CNTNAP5: variants seen among roughly 807,000 people sequenced by gnomAD.
The protein encoded by CNTNAP5 is contactin associated protein family member 5.
In CNTNAP5, 72 loss-of-function variants were observed where a neutral mutation model predicts 150.2. That is an observed-to-expected ratio of 0.48 (90% CI 0.40 to 0.58). The LOEUF is 0.58. Ranked by LOEUF, CNTNAP5 falls within the 20% of genes least tolerant of loss-of-function variation. The pLI, the probability that CNTNAP5 is intolerant of heterozygous loss-of-function variation, is 0.00. For missense variants in CNTNAP5, 1,636 were observed against 1,626.2 expected, an observed-to-expected ratio of 1.01 and a Z score of -0.10; for synonymous variants, 672 against 619.8, an observed-to-expected ratio of 1.08 and a Z score of -1.25.
chr2:124,243,678 G>T (rs1012636837), intron 3 of CNTNAP5, among the ~76,000 whole-genome samples: 1 of 152,090 alleles, frequency 6.6e-6, no homozygotes, highest in Non-Finnish European at 1.5e-5. Flanking sequence ...TTGGGAGGAC[G>T]GCGAGAGTCC....
intron 13 of CNTNAP5, among the ~76,000 whole-genome samples, chr2:124,683,001 A>G (rs182998675): frequency 1.1e-3 from 164 of 152,352 alleles, no homozygotes; most frequent in African/African-American, 3.7e-3. Flanking sequence ...GTGAATTTTT[A>G]GGTTTGTGTT....
At chr2:124,045,051 G>A (rs1473338864) in intron 1 of CNTNAP5, among the ~76,000 whole-genome samples, 1 of 152,006 alleles carries the variant, frequency 6.6e-6, no homozygotes, top group Non-Finnish European at 1.5e-5. Flanking sequence ...AAAATTTCAG[G>A]AAACTTTCAA....
intron 14 of CNTNAP5, 57 bp downstream of exon 14, chr2:124,747,442 A>G: frequency 6.3e-7 from 1 of 1,583,910 alleles, no homozygotes. Flanking sequence ...ATTGATGCAT[A>G]AAATTCCCCA....
intron 13 of CNTNAP5, among the ~76,000 whole-genome samples, chr2:124,680,301 A>T (rs1335275572): frequency 6.6e-6 from 1 of 151,878 alleles, no homozygotes; most frequent in Non-Finnish European, 1.5e-5. Flanking sequence ...AGACATTAGC[A>T]TAACCCTCTG....
chr2:124,263,363 T>G (rs554950579), intron 3 of CNTNAP5, among the ~76,000 whole-genome samples: 1 of 152,194 alleles, frequency 6.6e-6, no homozygotes, highest in Non-Finnish European at 1.5e-5. Flanking sequence ...AGATGGTAGC[T>G]CATTGTGGTT....
At chr2:124,036,418 C>T (rs1005662606) in intron 1 of CNTNAP5, among the ~76,000 whole-genome samples, 14 of 152,002 alleles carry the variant, frequency 9.2e-5, no homozygotes, top group South Asian at 4.1e-4. Context: ...AGATACTGCT[C>T]GCCCCTGTTA....
intron 13 of CNTNAP5, among the ~76,000 whole-genome samples, chr2:124,666,540 G>T (rs1430182005): frequency 1.3e-5 from 2 of 152,148 alleles, no homozygotes; most frequent in African/African-American, 4.8e-5. Flanking sequence ...CACAAGGCAT[G>T]TCTGATCTCC....
chr2:124,390,356 T>C (rs1240783229), intron 3 of CNTNAP5, among the ~76,000 whole-genome samples: 3 of 152,226 alleles, frequency 2.0e-5, no homozygotes, highest in Non-Finnish European at 4.4e-5. Context: ...TAGTTACATC[T>C]CTTCCATGAT....
chr2:124,104,689 G>T (rs1234615699), intron 1 of CNTNAP5, among the ~76,000 whole-genome samples: 2 of 152,018 alleles, frequency 1.3e-5, no homozygotes, highest in African/African-American at 4.8e-5. Flanking sequence ...CTGAACACTT[G>T]CAGAACGCAT....
At chr2:124,481,114 C>T (rs971065530) in intron 7 of CNTNAP5, among the ~76,000 whole-genome samples, 8 of 152,184 alleles carry the variant, frequency 5.3e-5, no homozygotes, top group South Asian at 4.1e-4. Context: ...CGATCGGGTT[C>T]GGGTGAGGGC....
intron 1 of CNTNAP5, among the ~76,000 whole-genome samples, chr2:124,182,101 TACTA>T (rs762410434): frequency 8.5e-5 from 13 of 152,190 alleles, no homozygotes; most frequent in East Asian, 1.9e-4. Flanking sequence ...GTGGCTTTAA[TACTA>T]ACTACTTACA....
intron 13 of CNTNAP5, among the ~76,000 whole-genome samples, chr2:124,695,569 A>G (rs1184049667): frequency 1.3e-5 from 2 of 152,040 alleles, no homozygotes; most frequent in African/African-American, 2.4e-5. Context: ...ATGCACCTAA[A>G]CTCTCAGACA....
At chr2:124,097,477 A>T (rs534310846) in intron 1 of CNTNAP5, among the ~76,000 whole-genome samples, 1 of 152,288 alleles carries the variant, frequency 6.6e-6, no homozygotes, top group East Asian at 1.9e-4. Flanking sequence ...ACAGATTAAG[A>T]CAAATCTTTT....
intron 10 of CNTNAP5, among the ~76,000 whole-genome samples, chr2:124,537,869 T>A (rs1695276235): frequency 6.6e-6 from 1 of 152,140 alleles, no homozygotes; most frequent in African/African-American, 2.4e-5. Context: ...CACCTGTGCA[T>A]ATGGACGGGC....
At chr2:124,245,660 T>C (rs1394671356) in intron 3 of CNTNAP5, among the ~76,000 whole-genome samples, 2 of 88,198 alleles carry the variant, frequency 2.3e-5, no homozygotes, top group Non-Finnish European at 4.9e-5. Context: ...TGTATATATA[T>C]ACACACAAAT....
At chr2:124,649,924 A>T (rs757152753) in intron 13 of CNTNAP5, among the ~76,000 whole-genome samples, 1 of 152,210 alleles carries the variant, frequency 6.6e-6, no homozygotes, top group Non-Finnish European at 1.5e-5. Flanking sequence ...GCACAAAGGG[A>T]AATTTTATTT....
chr2:124,513,172 A>T (rs1694632285), intron 8 of CNTNAP5, among the ~76,000 whole-genome samples: 1 of 152,162 alleles, frequency 6.6e-6, no homozygotes, highest in Non-Finnish European at 1.5e-5. Flanking sequence ...CAGGATCCAG[A>T]TGTTGGCAGG....
intron 14 of CNTNAP5, among the ~76,000 whole-genome samples, chr2:124,750,341 G>A (rs1680697638): frequency 6.6e-6 from 1 of 152,194 alleles, no homozygotes; most frequent in African/African-American, 2.4e-5. Flanking sequence ...GCAAAGTCTA[G>A]GTGAGAACAG....
At chr2:124,784,584 G>C (rs2104624506) in intron 17 of CNTNAP5, among the ~76,000 whole-genome samples, 1 of 152,292 alleles carries the variant, frequency 6.6e-6, no homozygotes, top group East Asian at 1.9e-4. Flanking sequence ...TTGTCAAAAA[G>C]ACTGATAGAG....
Sources: allele counts gnomAD v4.1 joint callset (sites outside exome capture counted in the v4.1 genomes callset), GRCh38; gene constraint gnomAD v4.1.1; transcripts MANE v1.5; gene names NCBI Gene and HGNC (gene_info 2026-07-23, HGNC 2026-07-21).